FAM184A: variants seen among roughly 807,000 people sequenced by gnomAD.
The protein encoded by FAM184A is family with sequence similarity 184 member A.
A neutral mutation model predicts 143.8 loss-of-function variants in FAM184A; 99 were observed. The ratio of observed to expected loss-of-function variants is 0.69; its 90% CI spans 0.58 to 0.81. FAM184A has a LOEUF of 0.81. Ranked by LOEUF, FAM184A falls within the 40% of genes least tolerant of loss-of-function variation. FAM184A has a pLI of 0.00. For missense variants in FAM184A, 1,217 were observed against 1,310.5 expected, an observed-to-expected ratio of 0.93 and a Z score of 1.10; for synonymous variants, 427 against 446.4, an observed-to-expected ratio of 0.96 and a Z score of 0.55.
chr6:119,021,411 G>A (rs577877523), intron 3 of FAM184A, among the ~76,000 whole-genome samples: 3 of 152,300 alleles, frequency 2.0e-5, no homozygotes, highest in Admixed American at 1.3e-4. Flanking sequence ...AGGCAAGTCA[G>A]CTTTAGTATG....
At chr6:119,015,575 G>A (rs1305988327) in intron 5 of FAM184A, among the ~76,000 whole-genome samples, 6 of 152,214 alleles carry the variant, frequency 3.9e-5, no homozygotes, top group South Asian at 4.1e-4. Context: ...GGCAGGCCTC[G>A]GGACTGCAGC....
At chr6:119,147,948 G>A (rs1035817906) in intron 1 of FAM184A, among the ~76,000 whole-genome samples, 1 of 152,172 alleles carries the variant, frequency 6.6e-6, no homozygotes, top group African/African-American at 2.4e-5. Context: ...GCCTGTGATG[G>A]GGTCTCTGAC....
chr6:119,043,449 A>G lies in FAM184A; in HGVS notation c.160-18636T>C, dbSNP rs1357699939. On this transcript the variant is annotated intron_variant, in intron 1 of 17. Coordinates refer to ENST00000338891, the MANE Select transcript of FAM184A (RefSeq NM_024581.6). ...GCCTACTCATAGTCTCTTTTCTATG[A>G]CCTCAGTGGGTAGTCACAAGAAAAA... Among the ~76,000 whole-genome samples, 3 of 152,164 alleles carry G rather than the reference A, an allele frequency of 2.0e-5. No individual in the cohort carries two copies. In the East Asian group the frequency reaches 5.8e-4, roughly 29 times the overall value.
Position 119,146,686 on chromosome 6 carries a change from T to C in FAM184A, c.-202+2392A>G, listed in dbSNP as rs1358054829. Among the ~76,000 whole-genome samples the C allele has an allele frequency of 3.3e-5, 5 of 152,120 alleles. No individual in the cohort carries two copies. In the East Asian group the frequency reaches 9.6e-4, roughly 29 times the overall value. On this transcript the variant is annotated intron_variant, in intron 1 of 16. Coordinates refer to the FAM184A transcript ENST00000352896. ...GGTTTCGGTGTCACCAATTGGCTCA[T>C]ATGAATTTGACAAATAAGGAATAAT... is the stretch of plus-strand genomic sequence containing the variant.
At chr6:118,982,832 T>C (rs1378122772) in intron 9 of FAM184A, among the ~76,000 whole-genome samples, 1 of 152,230 alleles carries the variant, frequency 6.6e-6, no homozygotes. Context: ...CAGTGCATAA[T>C]AGTTACATAT....
At chr6:119,088,443 A>G (rs1041837247) in intron 1 of FAM184A, among the ~76,000 whole-genome samples, 7 of 152,176 alleles carry the variant, frequency 4.6e-5, no homozygotes, top group African/African-American at 1.7e-4. Context: ...GAGGACGTCT[A>G]AATATAAGAT....
At chr6:119,060,046 GA>G (rs1787167820) in intron 1 of FAM184A, among the ~76,000 whole-genome samples, 1 of 152,156 alleles carries the variant, frequency 6.6e-6, no homozygotes, top group African/African-American at 2.4e-5. Context: ...CTACCTGGCA[GA>G]AAAAAACTTA....
At chr6:119,043,727 A>G (rs1176493813) in intron 1 of FAM184A, among the ~76,000 whole-genome samples, 1 of 152,240 alleles carries the variant, frequency 6.6e-6, no homozygotes, top group Non-Finnish European at 1.5e-5. Context: ...ATGGGCAGGA[A>G]GCCATTGGAT....
At chr6:119,122,784 T>C (rs372964981) in intron 1 of FAM184A, among the ~76,000 whole-genome samples, 354 of 151,782 alleles carry the variant, frequency 2.3e-3, no homozygotes, top group African/African-American at 8.3e-3. Flanking sequence ...TAGCTGGGCA[T>C]GGTAGCATGC....
chr6:118,966,463 G>A (rs181843355), intron 15 of FAM184A, among the ~76,000 whole-genome samples: 3 of 152,184 alleles, frequency 2.0e-5, no homozygotes, highest in Admixed American at 2.0e-4. Flanking sequence ...GTACAATACA[G>A]GCTAATGCAT....
At chr6:119,020,273 C>T (rs1199140997) in intron 3 of FAM184A, 114 bp from the exon 4 acceptor site, 2 of 780,926 alleles carry the variant, frequency 2.6e-6, no homozygotes, top group Non-Finnish European at 3.6e-6. Context: ...AAATGGTCTA[C>T]ATGTACAAAT....
At chr6:119,093,162 A>G (rs1351100851) in intron 1 of FAM184A, among the ~76,000 whole-genome samples, 1 of 152,228 alleles carries the variant, frequency 6.6e-6, no homozygotes. Context: ...CTTTCATAAA[A>G]TGCTGGTATG....
At chr6:119,048,859 T>C (rs1182187597) in intron 1 of FAM184A, among the ~76,000 whole-genome samples, 1 of 152,090 alleles carries the variant, frequency 6.6e-6, no homozygotes, top group Admixed American at 6.5e-5. Context: ...AAATCAGAGA[T>C]GACACAAACA....
At chr6:119,055,556 T>C (rs1786939901) in intron 1 of FAM184A, among the ~76,000 whole-genome samples, 1 of 152,210 alleles carries the variant, frequency 6.6e-6, no homozygotes, top group Admixed American at 6.5e-5. Flanking sequence ...CAACACTTCA[T>C]TGTCAATTTT....
At position 118,961,820 on chromosome 6, in the gene FAM184A, G is replaced by GA; in HGVS notation, c.3281dup (p.Asn1095GlnfsTer13). The GA allele has an allele frequency of 6.2e-7, 1 of 1,613,908 alleles. No homozygotes were observed. The highest frequency in any genetic ancestry group is 8.5e-7 in the Non-Finnish European group (1 of 1,179,882). On this transcript the variant is annotated frameshift_variant, in exon 17 of 18. Coordinates refer to ENST00000338891, the MANE Select transcript of FAM184A (RefSeq NM_024581.6). LOFTEE classifies it high-confidence loss of function. The stretch of plus-strand genomic sequence containing the variant: ...GCTGTGGAAGTGGTTTGCTGCTGTT[G>GA]AACTCAATATCGTGGACTGGAGAAT...
At chr6:118,980,096 G>T in intron 10 of FAM184A, 42 bp downstream of exon 10, 1 of 1,543,816 alleles carries the variant, frequency 6.5e-7, no homozygotes, top group South Asian at 1.1e-5. Context: ...ATTATTATTA[G>T]GCAGTTGGGT....
chr6:119,122,143 T>C (rs1283834845), intron 1 of FAM184A, among the ~76,000 whole-genome samples: 1 of 152,140 alleles, frequency 6.6e-6, no homozygotes, highest in Non-Finnish European at 1.5e-5. Context: ...TACTGCTCTT[T>C]CTCTGTGGGG....
chr6:119,006,654 T>C (rs1015627301), intron 6 of FAM184A, 46 bp from the exon 7 acceptor site: 5 of 1,378,876 alleles, frequency 3.6e-6, no homozygotes, highest in Middle Eastern at 1.9e-4. Context: ...TGTAATAGAA[T>C]AGCAAAATAG....
intron 1 of FAM184A, chr6:119,069,165 T>G: frequency 3.8e-6 from 1 of 264,786 alleles, no homozygotes. Context: ...TAAATAGTAT[T>G]AAATAATTAA....
Sources: gnomAD v4.1 joint callset for allele counts (sites outside exome capture counted in the v4.1 genomes callset) on GRCh38, gnomAD v4.1.1 for gene constraint, MANE v1.5 for transcripts, NCBI Gene and HGNC (gene_info 2026-07-23, HGNC 2026-07-21) for gene names.